OR2T6: variants seen among roughly 807,000 people sequenced by gnomAD.
OR2T6 encodes olfactory receptor 2T6.
For missense variants in OR2T6, 424 were observed against 391.6 expected (o/e 1.08, Z -0.70); for synonymous variants, 174 against 148.0 (o/e 1.18, Z -1.27).
rs1300567984 is a variant in OR2T6 at position 248,388,419 on chromosome 1, G to C, written c.811G>C (p.Asp271His). ...LPQSYHTPIK[D>H]KVFSAFYTIL... is the part of the protein sequence containing the mutation. ...CCAATCTTACCACACCCCAATCAAA[G>C]ATAAGGTCTTCTCTGCCTTTTATAC... The change falls in exon 3 of 3, where the codon GAT becomes CAT. Residue 271 changes from aspartate to histidine, a missense_variant. By Grantham distance (81) the Asp-to-His change is moderately conservative. Coordinates refer to ENST00000641644, the MANE Select transcript of OR2T6 (RefSeq NM_001005471.2). 1 of 1,613,730 alleles carries C rather than the reference G, an allele frequency of 6.2e-7. No homozygotes were observed. Among genetic ancestry groups the C allele is most frequent in the Non-Finnish European group, 8.5e-7 (1 of 1,179,808 alleles).
chr1:248,387,497 A>C, intron 2 of OR2T6, 108 bp from the exon 3 acceptor site: 1 of 657,050 alleles, frequency 1.5e-6, no homozygotes. Flanking sequence ...TATTAGCTAC[A>C]TAAAAGATTT....
At chr1:248,378,240 T>C (rs563149977) in intron 1 of OR2T6, among the ~76,000 whole-genome samples, 1 of 152,340 alleles carries the variant, frequency 6.6e-6, no homozygotes, top group South Asian at 2.1e-4. Context: ...ACACTAGCAG[T>C]GTGTGATGTT....
chr1:248,386,441 C>T (rs1661137659), intron 2 of OR2T6, among the ~76,000 whole-genome samples: 1 of 152,120 alleles, frequency 6.6e-6, no homozygotes, highest in Non-Finnish European at 1.5e-5. Flanking sequence ...ACAACCTGGT[C>T]TATCCCAGTC....
At position 248,390,503 on chromosome 1, in the gene OR2T6, T is replaced by G. The variant is rs891193638; in HGVS notation, c.*1968T>G. 1.3e-5 allele frequency: 2 copies of G among 152,190 alleles called. No individual in the cohort carries two copies. The highest frequency in any genetic ancestry group is 4.8e-5 in the African/African-American group (2 of 41,444). The allele number at this position is 152,190 out of a possible 1,614,324, so 9.4% of individuals were successfully genotyped here. ...AGCTGCTGGGTATTTGACAAAATAT[T>G]TAGCCAAATAGAACAGCTCAACTTG... On this transcript the variant is annotated 3_prime_UTR_variant, in exon 3 of 3. Coordinates refer to ENST00000641644, the MANE Select transcript of OR2T6 (RefSeq NM_001005471.2).
At position 248,390,723 on chromosome 1, in the gene OR2T6, T is replaced by G. The variant is rs1311099911; in HGVS notation, c.*2188T>G. Reference sequence around the variant, plus strand: ...GGGAGCATTTCCAACCAAGAAGATGTTGAGGTACAAAAAACACAACAAATC... The same window carrying G: ...GGGAGCATTTCCAACCAAGAAGATGGTGAGGTACAAAAAACACAACAAATC... On this transcript the variant is annotated 3_prime_UTR_variant, in exon 3 of 3. Coordinates refer to ENST00000641644, the MANE Select transcript of OR2T6 (RefSeq NM_001005471.2). 6.6e-6 allele frequency: 1 copy of G among 152,158 alleles called. No homozygotes were observed. Among genetic ancestry groups the G allele is most frequent in the South Asian group, 2.1e-4 (1 of 4,820 alleles). 9.4% of individuals were successfully genotyped at this position (152,158 alleles called of 1,614,324 possible). A position where few individuals can be genotyped will look rare whatever the true frequency, so the allele number is the denominator to read the frequency against.
In OR2T6 at chr1:248,388,684, C is replaced by G; in HGVS notation, c.*149C>G. Reference sequence around the variant, plus strand: ...TGTGCTAAATGGTGTATCAACAGTACCCCCATCAAAAATGGGAAGTTGCTG... The same window carrying G: ...TGTGCTAAATGGTGTATCAACAGTAGCCCCATCAAAAATGGGAAGTTGCTG... On this transcript the variant is annotated 3_prime_UTR_variant, in exon 3 of 3. Coordinates refer to ENST00000641644, the MANE Select transcript of OR2T6 (RefSeq NM_001005471.2). 1.9e-6 allele frequency: 1 copy of G among 534,116 alleles called. No homozygotes were observed. The highest frequency in any genetic ancestry group is 4.5e-5 in the South Asian group (1 of 22,236). The allele number at this position is 534,116 out of a possible 1,614,324, so 33.1% of individuals were successfully genotyped here. A position where few individuals can be genotyped will look rare whatever the true frequency, so the allele number is the denominator to read the frequency against.
In OR2T6 at chr1:248,375,889, C is replaced by T. The variant is rs1251366185; in HGVS notation, c.-324C>T. On this transcript the variant is annotated 5_prime_UTR_variant, in exon 1 of 3. Coordinates refer to ENST00000641644, the MANE Select transcript of OR2T6 (RefSeq NM_001005471.2). ...AGCTTTTGCCTTTTAACCTGGATCT[C>T]CTCTCATCTTTTCAAGGAAAGATAC... The T allele has an allele frequency of 6.6e-6, 1 of 151,474 alleles. No homozygotes were observed. Among genetic ancestry groups the T allele is most frequent in the African/African-American group, 2.4e-5 (1 of 41,194 alleles). 9.4% of individuals were successfully genotyped at this position (151,474 alleles called of 1,614,324 possible). A position where few individuals can be genotyped will look rare whatever the true frequency, so the allele number is the denominator to read the frequency against.
At position 248,388,391 on chromosome 1, in the gene OR2T6, TC is replaced by T. The variant is rs1249334566; in HGVS notation, c.787del (p.Gln263AsnfsTer23). On this transcript the variant is annotated frameshift_variant, in exon 3 of 3. Transcript: ENST00000641644. LOFTEE classifies it low-confidence loss of function (END_TRUNC). The stretch of plus-strand genomic sequence containing the variant: ...GGGCTGCCTTGTATACGTATACGCT[TC>T]CCCAATCTTACCACACCCCAATCAA... ...YGAALYTYTL[P>X]QSYHTPIKDK... 1.2e-6 allele frequency: 2 copies of T among 1,613,474 alleles called. No homozygotes were observed. Among genetic ancestry groups the T allele is most frequent in the Non-Finnish European group, 1.7e-6 (2 of 1,179,740 alleles).
chr1:248,388,448 C>A lies in OR2T6; in HGVS notation c.840C>A (p.Ile280=), dbSNP rs551132202. The change falls in exon 3 of 3, where the codon ATC becomes ATA. Residue 280 remains isoleucine (I), a synonymous_variant. Transcript: ENST00000641644. ...KDKVFSAFYT[I]LTPLLNPLIY... The stretch of plus-strand genomic sequence containing the variant: ...AGGTCTTCTCTGCCTTTTATACCAT[C>A]CTCACACCCTTATTAAACCCTCTCA... 257 of 1,613,008 alleles carry A rather than the reference C, an allele frequency of 1.6e-4. 4 individuals are homozygous for A. The South Asian group carries it at 2.7e-3, about 17-fold the overall frequency.
Position 248,388,341 on chromosome 1 carries a change from A to T in OR2T6, c.733A>T (p.Met245Leu), listed in dbSNP as rs201303298. The T allele has an allele frequency of 1.8e-5, 29 of 1,613,562 alleles. No individual in the cohort carries two copies. The Admixed American group carries it at 3.3e-4, about 19-fold the overall frequency. The change falls in exon 3 of 3, where the codon ATG becomes TTG. Residue 245 changes from methionine to leucine, a missense_variant. Transcript: ENST00000641644. ...GGCCTTTGCCACCTGCTCTTCACAC[A>T]TGATGGTGGTGACATTGTTCTATGG... ...KKAFATCSSH[M>L]MVVTLFYGAA... is the part of the protein sequence containing the mutation.
chr1:248,385,923 G>A (rs567424747), intron 2 of OR2T6, among the ~76,000 whole-genome samples: 18 of 152,260 alleles, frequency 1.2e-4, no homozygotes, highest in Non-Finnish European at 1.8e-4. Context: ...ACAACATCCC[G>A]TAAGTTTCCT....
At position 248,388,248 on chromosome 1, in the gene OR2T6, G is replaced by A. The variant is rs1190277752; in HGVS notation, c.640G>A (p.Val214Met). The change falls in exon 3 of 3, where the codon GTG (valine) becomes ATG (methionine). Residue 214 changes from valine to methionine, a missense_variant. Val to Met is a conservative substitution (Grantham distance 21, BLOSUM62 1). Transcript: ENST00000641644. ...VAMLLIPFSV[V>M]TASYTRILIT... ...AATGCTGCTGATCCCCTTCTCGGTG[G>A]TGACTGCATCCTACACCAGGATTCT... 1.2e-6 allele frequency: 2 copies of A among 1,613,926 alleles called. No homozygotes were observed. Among genetic ancestry groups the A allele is most frequent in the Non-Finnish European group, 1.7e-6 (2 of 1,179,966 alleles).
At chr1:248,385,416 A>G (rs1329259990) in intron 2 of OR2T6, among the ~76,000 whole-genome samples, 1 of 152,220 alleles carries the variant, frequency 6.6e-6, no homozygotes, top group Admixed American at 6.5e-5. Context: ...CCTGTTGTTC[A>G]TGTAATGCTA....
In OR2T6 at chr1:248,387,877, G is replaced by A. The variant is rs767523898; in HGVS notation, c.269G>A (p.Gly90Glu). Residue 90 changes from glycine to glutamate, a missense_variant, in exon 3 of 3, where the codon GGG becomes GAG. Physicochemically the swap from Gly to Glu is moderately conservative, Grantham distance 98. Transcript: ENST00000641644. ...CTGGTAGATTATCTCATGGGCGAGGGGACCATCTCTTTCATCGCCTGCACT... is the reference window on the plus strand; with the variant it reads ...CTGGTAGATTATCTCATGGGCGAGGAGACCATCTCTTTCATCGCCTGCACT... ...KMLVDYLMGE[G>E]TISFIACTAQ... is the part of the protein sequence containing the mutation. 17 of 1,596,364 alleles carry A rather than the reference G, an allele frequency of 1.1e-5. No homozygotes were observed. The highest frequency in any genetic ancestry group is 1.5e-5 in the Non-Finnish European group (17 of 1,168,602).
At chr1:248,380,300 C>T (rs1661009810) in intron 1 of OR2T6, among the ~76,000 whole-genome samples, 1 of 151,726 alleles carries the variant, frequency 6.6e-6, no homozygotes, top group Admixed American at 6.6e-5. Context: ...AATATTTTAT[C>T]ACTCTTCTCA....
At chr1:248,382,470 TA>T (rs1319808844) in intron 1 of OR2T6, among the ~76,000 whole-genome samples, 4 of 152,014 alleles carry the variant, frequency 2.6e-5, no homozygotes, top group Admixed American at 2.6e-4. Flanking sequence ...TCACTCTTTT[TA>T]AAACACTGAT....
At chr1:248,386,535 A>G (rs1169084566) in intron 2 of OR2T6, among the ~76,000 whole-genome samples, 1 of 152,216 alleles carries the variant, frequency 6.6e-6, no homozygotes, top group East Asian at 1.9e-4. Context: ...AAAGAAAAAA[A>G]CAGAAAGATC....
chr1:248,381,641 A>G (rs934438691), intron 1 of OR2T6, among the ~76,000 whole-genome samples: 74 of 152,228 alleles, frequency 4.9e-4, no homozygotes, highest in African/African-American at 1.7e-3. Flanking sequence ...ATTAGATGTC[A>G]TAGATATATA....
At position 248,388,499 on chromosome 1, in the gene OR2T6, G is replaced by A. The variant is rs1330994034; in HGVS notation, c.891G>A (p.Val297=). The A allele has an allele frequency of 1.3e-6, 2 of 1,588,794 alleles. No homozygotes were observed. The highest frequency in any genetic ancestry group is 1.7e-6 in the Non-Finnish European group (2 of 1,168,292). ...TCTACAGTCTGAGGAACAGGGATGT[G>A]ATGGGTGCCTTGAAGAGAGTTGTGG... The part of the protein sequence containing the change: ...PLIYSLRNRD[V]MGALKRVVAR... Residue 297 remains valine (V), a synonymous_variant, in exon 3 of 3, where the codon GTG becomes GTA. Transcript: ENST00000641644.
Sources: allele counts gnomAD v4.1 joint callset (sites outside exome capture counted in the v4.1 genomes callset), GRCh38; gene constraint gnomAD v4.1.1; transcripts MANE v1.5; gene names NCBI Gene and HGNC (gene_info 2026-07-23, HGNC 2026-07-21).